The following PCNX2 variants were observed in gnomAD, a reference collection of about 807,000 sequenced individuals.
PCNX2 encodes the protein pecanex-like protein 2.
In PCNX2, 168 loss-of-function variants were observed where a neutral mutation model predicts 223.8. The ratio of observed to expected loss-of-function variants is 0.75; its 90% CI spans 0.66 to 0.85. PCNX2 has a LOEUF of 0.85. Ranked by LOEUF, PCNX2 falls within the 40% of genes least tolerant of loss-of-function variation. The pLI is 0.00. For synonymous variants in PCNX2, 1,006 were observed against 1,052.6 expected (o/e 0.96, Z 0.86); for missense variants, 2,507 against 2,675.5 (o/e 0.94, Z 1.39).
intron 32 of PCNX2, among the ~76,000 whole-genome samples, chr1:232,993,937 C>T (rs948542667): frequency 1.3e-5 from 2 of 152,166 alleles, no homozygotes; most frequent in African/African-American, 4.8e-5. Context: ...AAGAGTGGAA[C>T]TTTGGGAACC....
At chr1:233,232,265 G>A (rs1445295142) in intron 9 of PCNX2, among the ~76,000 whole-genome samples, 1 of 152,068 alleles carries the variant, frequency 6.6e-6, no homozygotes, top group Non-Finnish European at 1.5e-5. Flanking sequence ...GCATTCAGTA[G>A]AACATCAATA....
the PCNX2 span, among the ~76,000 whole-genome samples, chr1:233,320,233 TATTATGCAATA>T: frequency 6.6e-6 from 1 of 152,218 alleles, no homozygotes; most frequent in Non-Finnish European, 1.5e-5. Flanking sequence ...TATGCATAAT[TATTATGCAATA>T]ATTATGCAAT....
At chr1:233,293,399 A>G (rs1009038600) in intron 1 of PCNX2, among the ~76,000 whole-genome samples, 1 of 152,268 alleles carries the variant, frequency 6.6e-6, no homozygotes, top group African/African-American at 2.4e-5. Flanking sequence ...TCTGCTATGT[A>G]CAAGGAAAAA....
rs376238603 is a variant in PCNX2, at chr1:233,236,799, CCT to C, written c.2358+44_2358+45del. ...AACCTGGAAAAAGGTTTTAAGATCCCCTGTTTCCAGAACATCCACAAACAGCA... is the reference window on the plus strand; with the variant it reads ...AACCTGGAAAAAGGTTTTAAGATCCCGTTTCCAGAACATCCACAAACAGCA... On this transcript the variant is annotated intron_variant, in intron 9 of 33. Transcript: ENST00000258229. 783 of 1,596,350 alleles carry C rather than the reference CCT, an allele frequency of 4.9e-4. 4 individuals carry two copies. The African/African-American group carries it at 9.2e-3, about 19-fold the overall frequency.
chr1:233,262,209 A>G (rs1660092050), intron 2 of PCNX2, 44 bp from the exon 3 acceptor site: 2 of 1,608,934 alleles, frequency 1.2e-6, no homozygotes, highest in South Asian at 2.2e-5. Context: ...CGATATTATC[A>G]AACAGAAGCA....
intron 1 of PCNX2, among the ~76,000 whole-genome samples, chr1:233,292,430 T>G (rs1661830741): frequency 6.6e-6 from 1 of 152,094 alleles, no homozygotes. Context: ...GCTGGTCTTG[T>G]GCTCCTAATC....
intron 8 of PCNX2, among the ~76,000 whole-genome samples, chr1:233,249,135 A>T (rs1572150054): frequency 6.6e-6 from 1 of 152,212 alleles, no homozygotes. Flanking sequence ...TTACTTGGAT[A>T]CTATAAATTT....
At chr1:233,150,330 T>TA (rs1168985057) in intron 19 of PCNX2, among the ~76,000 whole-genome samples, 1 of 152,196 alleles carries the variant, frequency 6.6e-6, no homozygotes, top group Non-Finnish European at 1.5e-5. Flanking sequence ...TCAGAATATC[T>TA]ACTCTCCAGG....
chr1:233,032,205 C>T (rs535074874), intron 25 of PCNX2, among the ~76,000 whole-genome samples: 5 of 152,184 alleles, frequency 3.3e-5, no homozygotes, highest in East Asian at 3.9e-4. Flanking sequence ...CGGGTTCAAG[C>T]GATTTTCCTG....
intron 21 of PCNX2, among the ~76,000 whole-genome samples, chr1:233,108,945 G>GGA (rs1558239217): frequency 6.6e-6 from 1 of 152,112 alleles, no homozygotes; most frequent in Non-Finnish European, 1.5e-5. Context: ...TATACCAATG[G>GGA]GAGAGGGACA....
chr1:233,068,560 A>G (rs1163548474), intron 23 of PCNX2, among the ~76,000 whole-genome samples: 2 of 152,158 alleles, frequency 1.3e-5, no homozygotes, highest in African/African-American at 4.8e-5. Flanking sequence ...GAAAATATTC[A>G]TGACATCATG....
At position 232,986,168 on chromosome 1, in the gene PCNX2, GT is replaced by G; in HGVS notation, c.6163del (p.Thr2055ProfsTer13). 1 of 1,566,944 alleles carries G rather than the reference GT, an allele frequency of 6.4e-7. No individual in the cohort carries two copies. Among genetic ancestry groups the G allele is most frequent in the Non-Finnish European group, 8.7e-7 (1 of 1,155,160 alleles). Reference sequence around the variant, plus strand: ...GCTGCTGGATGACTGGGTGTCACTGGTATTGCCCCCCTCCGCAGCAGAGAGT... The same window carrying G: ...GCTGCTGGATGACTGGGTGTCACTGGATTGCCCCCCTCCGCAGCAGAGAGT... ...SGLSAAEGGN[T>X]SDTQSSSSVN... On this transcript the variant is annotated frameshift_variant, in exon 33 of 34. Transcript: ENST00000258229. LOFTEE classifies it high-confidence loss of function.
intron 13 of PCNX2, among the ~76,000 whole-genome samples, chr1:233,207,984 T>G (rs1198414901): frequency 3.9e-5 from 6 of 152,040 alleles, no homozygotes; most frequent in African/African-American, 1.4e-4. Context: ...AGAAAGAGTT[T>G]CACTCTTGTT....
chr1:233,047,281 G>C (rs1671855154), intron 25 of PCNX2: 1 of 748,866 alleles, frequency 1.3e-6, no homozygotes, highest in African/African-American at 1.9e-5. Flanking sequence ...ATTGATCTAA[G>C]ATGAGACCAG....
intron 10 of PCNX2, among the ~76,000 whole-genome samples, chr1:233,224,784 T>C (rs977283144): frequency 6.6e-6 from 1 of 152,126 alleles, no homozygotes; most frequent in African/African-American, 2.4e-5. Flanking sequence ...TGATGACTTT[T>C]GGTAGGCTTA....
At chr1:233,272,493 A>G (rs1660692371) in intron 1 of PCNX2, among the ~76,000 whole-genome samples, 1 of 152,180 alleles carries the variant, frequency 6.6e-6, no homozygotes, top group Non-Finnish European at 1.5e-5. Flanking sequence ...TGAAAAAATA[A>G]TAGGTGTTGT....
chr1:233,083,937 G>A (rs1673478612), intron 23 of PCNX2, among the ~76,000 whole-genome samples: 2 of 152,164 alleles, frequency 1.3e-5, no homozygotes, highest in African/African-American at 2.4e-5. Flanking sequence ...CATAATATAT[G>A]TTTAGTTACA....
intron 31 of PCNX2, 148 bp from the exon 32 acceptor site, chr1:232,998,586 G>A (rs1669960206): frequency 6.6e-6 from 5 of 753,830 alleles, no homozygotes; most frequent in Non-Finnish European, 1.0e-5. Context: ...AAGAGGGGCT[G>A]TTGTTCCCAA....
Position 233,161,357 on chromosome 1 carries a change from C to T in PCNX2, c.3280G>A (p.Val1094Ile). The part of the protein sequence containing the change: ...PKKMKDSVTD[V>I]LKWDLIVCAV... Reference sequence around the variant, plus strand: ...CAGACGATGAGATCCCATTTTAAGACATCCGTCTGGAAAGAGAAAACCAGC... The same window carrying T: ...CAGACGATGAGATCCCATTTTAAGATATCCGTCTGGAAAGAGAAAACCAGC... Residue 1094 changes from valine (V) to isoleucine (I), a missense_variant, in exon 18 of 34, where the codon GTC becomes ATC. This residue lies in a region of PCNX2 where 1,372 missense variants were observed against 1,509.4 expected (regional missense o/e 0.91). Transcript: ENST00000258229. 1.2e-6 allele frequency: 2 copies of T among 1,613,706 alleles called. No homozygotes were observed. Among genetic ancestry groups the T allele is most frequent in the Non-Finnish European group, 1.7e-6 (2 of 1,179,766 alleles).
Sources: gnomAD v4.1 joint callset for allele counts (sites outside exome capture counted in the v4.1 genomes callset) on GRCh38, gnomAD v4.1.1 for gene constraint, gnomAD v4.1.1 regional missense constraint, MANE v1.5 for transcripts, NCBI Gene and HGNC (gene_info 2026-07-23, HGNC 2026-07-21) for gene names.